Variants in MAN1A2 observed in about 807,000 individuals in gnomAD.
MAN1A2 encodes the protein mannosyl-oligosaccharide 1,2-alpha-mannosidase IB.
MAN1A2 carries 26 observed loss-of-function variants against 75.7 expected under a neutral mutation model. The ratio of observed to expected loss-of-function variants is 0.34; its 90% CI spans 0.25 to 0.48. The LOEUF (loss-of-function observed/expected upper bound fraction) is 0.48, where lower values mean the gene tolerates loss of function less well. Ranked by LOEUF, MAN1A2 falls within the 20% of genes least tolerant of loss-of-function variation. MAN1A2 has a pLI of 0.99. For missense variants in MAN1A2, 562 were observed against 775.5 expected, an observed-to-expected ratio of 0.72 and a Z score of 3.27; for synonymous variants, 247 against 264.6, an observed-to-expected ratio of 0.93 and a Z score of 0.65.
intron 12 of MAN1A2, among the ~76,000 whole-genome samples, chr1:117,522,617 G>T (rs560090753): frequency 9.9e-5 from 15 of 151,804 alleles, no homozygotes; most frequent in African/African-American, 3.6e-4. Flanking sequence ...AGGTCTAGTT[G>T]TTCATCTTAC....
At chr1:117,391,876 T>G (rs1031547921) in intron 1 of MAN1A2, among the ~76,000 whole-genome samples, 1 of 152,168 alleles carries the variant, frequency 6.6e-6, no homozygotes, top group Non-Finnish European at 1.5e-5. Context: ...TTGTGAAAAA[T>G]CTATTATTGT....
chr1:117,442,445 TA>T lies in MAN1A2; in HGVS notation c.950+122del, dbSNP rs891072065. 2.5e-5 allele frequency: 15 copies of T among 609,306 alleles called. No homozygotes were observed. In the African/African-American group the frequency reaches 2.8e-4, roughly 11 times the overall value. The allele number at this position is 609,306 out of a possible 1,614,324, so 37.7% of individuals were successfully genotyped here. On this transcript the variant is annotated intron_variant, in intron 6 of 12. Coordinates refer to ENST00000356554, the MANE Select transcript of MAN1A2 (RefSeq NM_006699.5). The stretch of plus-strand genomic sequence containing the variant: ...GACATATTGTTTTTCTCTCTATATA[TA>T]ATCTTTGTTTTCTTTTGTGTATATG...
At chr1:117,396,237 G>A (rs967396087) in intron 1 of MAN1A2, among the ~76,000 whole-genome samples, 1 of 152,118 alleles carries the variant, frequency 6.6e-6, no homozygotes, top group Non-Finnish European at 1.5e-5. Flanking sequence ...ACTATTAGTT[G>A]TGGCCAACCC....
At chr1:117,421,866 A>G (rs181303832) in intron 5 of MAN1A2, among the ~76,000 whole-genome samples, 2 of 152,234 alleles carry the variant, frequency 1.3e-5, no homozygotes, top group East Asian at 3.9e-4. Flanking sequence ...GGTGTTTTAT[A>G]AAAATGAGGA....
chr1:117,508,240 AT>A (rs1253221148), intron 12 of MAN1A2, among the ~76,000 whole-genome samples: 1 of 151,682 alleles, frequency 6.6e-6, no homozygotes, highest in Non-Finnish European at 1.5e-5. Flanking sequence ...CATTTTGAGG[AT>A]ACATTTCAAC....
rs1307985118 is a variant in MAN1A2 at position 117,526,544 on chromosome 1, A to G, written c.*3587A>G. 6.6e-6 allele frequency: 1 copy of G among 151,726 alleles called. No individual in the cohort carries two copies. The highest frequency in any genetic ancestry group is 1.5e-5 in the Non-Finnish European group (1 of 67,762). 9.4% of individuals were successfully genotyped at this position (151,726 alleles called of 1,614,324 possible). ...TTTGACTAAAATATTTACTTTAGAA[A>G]TAAAAACGTTCTTATTTTGCTATAT... On this transcript the variant is annotated 3_prime_UTR_variant, in exon 13 of 13. Transcript: ENST00000356554.
chr1:117,483,389 T>C (rs1650563484), intron 8 of MAN1A2, among the ~76,000 whole-genome samples: 1 of 152,146 alleles, frequency 6.6e-6, no homozygotes, highest in Non-Finnish European at 1.5e-5. Context: ...TATTCTTCCA[T>C]TTGTTTGTGT....
intron 1 of MAN1A2, among the ~76,000 whole-genome samples, chr1:117,400,044 T>C (rs1381447079): frequency 6.6e-6 from 1 of 152,160 alleles, no homozygotes; most frequent in African/African-American, 2.4e-5. Context: ...GGATATCTTA[T>C]ATAAGACTTC....
chr1:117,428,807 TA>T (rs56016305), intron 5 of MAN1A2, among the ~76,000 whole-genome samples: 9,737 of 122,884 alleles, frequency 0.079, 357 homozygotes, highest in Non-Finnish European at 0.13. Context: ...TTTTTTTTTT[TA>T]AATTTATTTT....
intron 3 of MAN1A2, among the ~76,000 whole-genome samples, chr1:117,406,217 C>A (rs2101759802): frequency 6.6e-6 from 1 of 152,202 alleles, no homozygotes; most frequent in African/African-American, 2.4e-5. Context: ...GTAAAACTTC[C>A]CAGTTTAACT....
chr1:117,406,295 G>A (rs1647612023), intron 3 of MAN1A2, among the ~76,000 whole-genome samples: 1 of 152,102 alleles, frequency 6.6e-6, no homozygotes, highest in South Asian at 2.1e-4. Flanking sequence ...ACTCTTTGTA[G>A]TCTTCACTCC....
intron 12 of MAN1A2, among the ~76,000 whole-genome samples, chr1:117,506,609 A>G (rs1363734110): frequency 2.0e-5 from 3 of 151,728 alleles, no homozygotes; most frequent in Admixed American, 6.6e-5. Context: ...CACAAGCAAT[A>G]TATACAACAA....
Position 117,368,159 on chromosome 1 carries a change from A to G in MAN1A2, c.-25A>G. On this transcript the variant is annotated 5_prime_UTR_variant, in exon 1 of 13. Coordinates refer to ENST00000356554, the MANE Select transcript of MAN1A2 (RefSeq NM_006699.5). ...TTGACATAAGATGAGAACTTTCTAA[A>G]GTATTCTCTCCAAGAGCGTAAACGA... The G allele has an allele frequency of 1.3e-6, 2 of 1,568,604 alleles. No individual in the cohort carries two copies. Among genetic ancestry groups the G allele is most frequent in the South Asian group, 1.2e-5 (1 of 84,066 alleles).
chr1:117,483,113 C>T (rs1650550876), intron 8 of MAN1A2, among the ~76,000 whole-genome samples: 1 of 152,036 alleles, frequency 6.6e-6, no homozygotes, highest in African/African-American at 2.4e-5. Context: ...TGTTCTGGTA[C>T]CAATACCATG....
At chr1:117,491,579 C>T (rs1650884700) in intron 8 of MAN1A2, among the ~76,000 whole-genome samples, 1 of 152,048 alleles carries the variant, frequency 6.6e-6, no homozygotes, top group Admixed American at 6.6e-5. Flanking sequence ...TAACAACATC[C>T]ATTCTGTAGC....
intron 4 of MAN1A2, among the ~76,000 whole-genome samples, chr1:117,417,116 T>A (rs1418755678): frequency 6.6e-6 from 1 of 152,086 alleles, no homozygotes; most frequent in African/African-American, 2.4e-5. Flanking sequence ...TTAAATGCAT[T>A]TGTGTAGTTC....
chr1:117,523,036 T>A lies in MAN1A2; in HGVS notation c.*79T>A. 3.3e-6 allele frequency: 5 copies of A among 1,510,720 alleles called. No individual in the cohort carries two copies. The highest frequency in any genetic ancestry group is 3.6e-6 in the Non-Finnish European group (4 of 1,096,186). The allele number at this position is 1,510,720 out of a possible 1,614,324, so 93.6% of individuals were successfully genotyped here. The stretch of plus-strand genomic sequence containing the variant: ...CAGAAATTAGTTTGAAGGGGCGGCT[T>A]TTGAAAACCTGGACCTCTATGTCAA... On this transcript the variant is annotated 3_prime_UTR_variant, in exon 13 of 13. Transcript: ENST00000356554.
Position 117,442,222 on chromosome 1 carries a change from A to G in MAN1A2, c.856-9A>G. The G allele has an allele frequency of 6.5e-7, 1 of 1,536,218 alleles. No individual in the cohort carries two copies. Among genetic ancestry groups the G allele is most frequent in the Non-Finnish European group, 9.0e-7 (1 of 1,109,004 alleles). The stretch of plus-strand genomic sequence containing the variant: ...TATAATTTATGAATATTCATGTTTT[A>G]AATCTCAGATATTCAAGATTAAAGC... On this transcript the variant is annotated splice_polypyrimidine_tract_variant and intron_variant, in intron 5 of 12. Transcript: ENST00000356554.
intron 10 of MAN1A2, among the ~76,000 whole-genome samples, chr1:117,498,658 A>G (rs1028456465): frequency 3.9e-5 from 6 of 151,908 alleles, no homozygotes; most frequent in Non-Finnish European, 5.9e-5. Context: ...TTGTTATGGT[A>G]AACCAAAAAA....
Sources: gnomAD v4.1 joint callset for allele counts (sites outside exome capture counted in the v4.1 genomes callset) on GRCh38, gnomAD v4.1.1 for gene constraint, MANE v1.5 for transcripts, NCBI Gene and HGNC (gene_info 2026-07-23, HGNC 2026-07-21) for gene names.